The following SETD2 variants were observed in gnomAD, a reference collection of about 807,000 sequenced individuals.
SETD2 encodes the protein SET domain containing 2, histone lysine methyltransferase, also known as histone-lysine N-methyltransferase SETD2.
In SETD2, 31 loss-of-function variants were observed where a neutral mutation model predicts 242.1. The ratio of observed to expected loss-of-function variants is 0.13; its 90% CI spans 0.10 to 0.17. The LOEUF (loss-of-function observed/expected upper bound fraction) is 0.17. SETD2 is among the 10% of genes least tolerant of loss of function. SETD2 has a pLI of 1.00. For missense variants in SETD2, 2,481 were observed against 3,046.3 expected (o/e 0.81, Z 4.37); for synonymous variants, 1,006 against 1,066.5 (o/e 0.94, Z 1.11).
intron 1 of SETD2, chr3:47,145,599 A>C: frequency 3.0e-6 from 1 of 333,504 alleles, no homozygotes; most frequent in South Asian, 2.3e-5. Flanking sequence ...TCATGTGTAA[A>C]ATTTCCCACT....
rs2107745601 is a variant in SETD2, at chr3:47,120,758, T to C, written c.3878A>G (p.Tyr1293Cys). 6.2e-7 allele frequency: 1 copy of C among 1,614,174 alleles called. No individual in the cohort carries two copies. The highest frequency in any genetic ancestry group is 1.3e-5 in the African/African-American group (1 of 75,056). ...TTGCCAGTAATCACGTGTCCCACCA[T>C]ACTGTTCTGCATTTTGCTGATACTT... is the stretch of plus-strand genomic sequence containing the variant. Reference protein sequence around the residue: ...GHKYQQNAEQYGGTRDYWQGN... With the variant: ...GHKYQQNAEQCGGTRDYWQGN... Residue 1293 changes from tyrosine to cysteine, a missense_variant, in exon 3 of 21, where the codon TAT becomes TGT. Physicochemically the swap from Tyr to Cys is radical, Grantham distance 194. This residue lies in a region of SETD2 where 1,300 missense variants were observed against 1,259.2 expected (regional missense o/e 1.03). Transcript: ENST00000409792.
intron 16 of SETD2, among the ~76,000 whole-genome samples, chr3:47,045,444 G>A (rs1056015009): frequency 1.3e-5 from 2 of 151,398 alleles, no homozygotes; most frequent in Admixed American, 6.6e-5. Context: ...TGAGAACCCA[G>A]GAGGCGGAGC....
intron 13 of SETD2, among the ~76,000 whole-genome samples, chr3:47,063,697 A>C (rs2040436072): frequency 6.6e-6 from 1 of 152,198 alleles, no homozygotes; most frequent in East Asian, 1.9e-4. Context: ...TTAAGAAGTC[A>C]ATCTCGGCCG....
chr3:47,066,629 G>A (rs1169944308), intron 13 of SETD2, among the ~76,000 whole-genome samples: 4 of 152,078 alleles, frequency 2.6e-5, no homozygotes, highest in African/African-American at 9.7e-5. Flanking sequence ...GATTACAGGT[G>A]TGAGCCACCC....
chr3:47,145,347 T>C (rs951695485), intron 1 of SETD2, among the ~76,000 whole-genome samples: 1 of 152,212 alleles, frequency 6.6e-6, no homozygotes, highest in Non-Finnish European at 1.5e-5. Context: ...ACAATATTTT[T>C]TAATAATTTT....
chr3:47,163,827 G>A (rs779333847), intron 1 of SETD2, 27 bp downstream of exon 1: 2 of 1,264,256 alleles, frequency 1.6e-6, no homozygotes, highest in Non-Finnish European at 1.0e-6. Flanking sequence ...GCCGACAGCA[G>A]CGGGGGGCCG....
chr3:47,145,584 T>C (rs1184553738), intron 1 of SETD2: 2 of 378,348 alleles, frequency 5.3e-6, no homozygotes, highest in Admixed American at 3.0e-5. Flanking sequence ...GCCCCTCACA[T>C]CAGGTCATGT....
intron 16 of SETD2, 91 bp from the exon 17 acceptor site, chr3:47,042,791 G>A (rs2107540642): frequency 5.4e-6 from 6 of 1,117,566 alleles, no homozygotes; most frequent in Middle Eastern, 2.1e-4. Flanking sequence ...ATGTAAAAAT[G>A]TACATCTACC....
At chr3:47,143,289 G>A (rs759096820) in intron 1 of SETD2, among the ~76,000 whole-genome samples, 5 of 152,018 alleles carry the variant, frequency 3.3e-5, no homozygotes, top group Middle Eastern at 3.4e-3. Context: ...GCAAGACCCC[G>A]TCTCAAAAAA....
chr3:47,160,320 G>A (rs1055914342), intron 1 of SETD2, among the ~76,000 whole-genome samples: 11 of 149,000 alleles, frequency 7.4e-5, no homozygotes, highest in African/African-American at 2.2e-4. Flanking sequence ...TTTTTTTTTC[G>A]AGATGGAATC....
chr3:47,155,602 C>T (rs982441994), intron 1 of SETD2, among the ~76,000 whole-genome samples: 1 of 152,138 alleles, frequency 6.6e-6, no homozygotes, highest in African/African-American at 2.4e-5. Flanking sequence ...CACTTGAGGT[C>T]AGAAAACCAG....
At chr3:47,138,053 G>T (rs1199505394) in intron 1 of SETD2, among the ~76,000 whole-genome samples, 1 of 136,824 alleles carries the variant, frequency 7.3e-6, no homozygotes, top group African/African-American at 2.8e-5. Context: ...CTCACTGCAA[G>T]CTCCGCCTCC....
chr3:47,083,887 T>C lies in SETD2; in HGVS notation c.5893A>G (p.Ser1965Gly). Residue 1965 changes from serine to glycine, a missense_variant, in exon 12 of 21, where the codon AGC (serine) becomes GGC (glycine). Transcript: ENST00000409792. ...EADAEIEPKE[S>G]NGTKLEEPIN... ...GGTTCTTCTAGTTTTGTGCCGTTGC[T>C]CTCTTTGGGCTCTATTTCAGCGTCA... 9 of 1,614,174 alleles carry C rather than the reference T, an allele frequency of 5.6e-6. No homozygotes were observed. Among genetic ancestry groups the C allele is most frequent in the Non-Finnish European group, 7.6e-6 (9 of 1,180,014 alleles).
intron 19 of SETD2, 64 bp downstream of exon 19, chr3:47,019,696 C>T (rs1178826509): frequency 1.5e-6 from 2 of 1,375,278 alleles, no homozygotes; most frequent in Non-Finnish European, 2.1e-6. Context: ...ATACTTAGGA[C>T]AAGAAATGAA....
intron 1 of SETD2, among the ~76,000 whole-genome samples, chr3:47,132,611 T>C (rs1214405818): frequency 6.6e-6 from 1 of 152,222 alleles, no homozygotes; most frequent in Non-Finnish European, 1.5e-5. Context: ...GTCCTCAAGG[T>C]GGACAGCCAA....
chr3:47,153,006 G>A (rs2044030185), intron 1 of SETD2, among the ~76,000 whole-genome samples: 1 of 152,184 alleles, frequency 6.6e-6, no homozygotes, highest in African/African-American at 2.4e-5. Flanking sequence ...AAAAAAGACT[G>A]AAGTAACCAT....
rs561333777 is a variant in SETD2, at chr3:47,126,700, A to G, written c.72-37T>C. 1.2e-5 allele frequency: 14 copies of G among 1,211,000 alleles called. No homozygotes were observed. In the South Asian group the frequency reaches 1.9e-4, roughly 16 times the overall value. 75.0% of individuals were successfully genotyped at this position (1,211,000 alleles called of 1,614,324 possible). A position where few individuals can be genotyped will look rare whatever the true frequency, so the allele number is the denominator to read the frequency against. ...CAGCCAAGAAAACATGCAAAAGAAT[A>G]AAAAGAAATCATAAATACTTAAAAA... On this transcript the variant is annotated intron_variant, in intron 1 of 20. Coordinates refer to ENST00000409792, the MANE Select transcript of SETD2 (RefSeq NM_014159.7).
intron 1 of SETD2, among the ~76,000 whole-genome samples, chr3:47,140,302 G>A (rs763020832): frequency 5.9e-5 from 9 of 152,144 alleles, no homozygotes; most frequent in Non-Finnish European, 8.8e-5. Flanking sequence ...ACCTGTTAAA[G>A]CCATCTGCTT....
chr3:47,146,086 T>C (rs963825758), intron 1 of SETD2, among the ~76,000 whole-genome samples: 1 of 146,474 alleles, frequency 6.8e-6, no homozygotes, highest in Non-Finnish European at 1.5e-5. Flanking sequence ...CTAGTGCCTC[T>C]GTCCAGAAAG....
Sources: allele counts gnomAD v4.1 joint callset (sites outside exome capture counted in the v4.1 genomes callset), GRCh38; gene constraint gnomAD v4.1.1; regional missense constraint gnomAD v4.1.1; transcripts MANE v1.5; gene names NCBI Gene and HGNC (gene_info 2026-07-23, HGNC 2026-07-21).